PAWR: variants seen among roughly 807,000 people sequenced by gnomAD.
PAWR encodes PRKC apoptosis WT1 regulator protein.
In PAWR, 23 loss-of-function variants were observed where a neutral mutation model predicts 32.0. That is an observed-to-expected ratio of 0.72 (90% CI 0.52 to 1.02). The LOEUF (loss-of-function observed/expected upper bound fraction) is 1.02. PAWR is among the 50% of genes least tolerant of loss of function. The probability of loss-of-function intolerance (pLI) is 0.00; values close to 1 mark genes in which losing one functional copy is unlikely to be tolerated. For synonymous variants in PAWR, 226 were observed against 187.1 expected (o/e 1.21, Z -1.70); for missense variants, 457 against 437.7 (o/e 1.04, Z -0.39).
intron 4 of PAWR, 143 bp downstream of exon 4, chr12:79,613,432 C>A: frequency 2.4e-6 from 1 of 424,004 alleles, no homozygotes; most frequent in Non-Finnish European, 4.2e-6. Flanking sequence ...GATACTCCTG[C>A]TTACAATATA....
chr12:79,667,740 T>C (rs897560511), intron 2 of PAWR, among the ~76,000 whole-genome samples: 4 of 152,090 alleles, frequency 2.6e-5, no homozygotes, highest in South Asian at 2.1e-4. Flanking sequence ...ATTCATACTA[T>C]CTACAAATGA....
chr12:79,600,343 G>A (rs1407215374), intron 4 of PAWR, among the ~76,000 whole-genome samples: 1 of 151,926 alleles, frequency 6.6e-6, no homozygotes, highest in Non-Finnish European at 1.5e-5. Context: ...AATAATACTT[G>A]TAAAACATAA....
At chr12:79,675,889 G>GA (rs199971909) in intron 2 of PAWR, among the ~76,000 whole-genome samples, 1 of 151,496 alleles carries the variant, frequency 6.6e-6, no homozygotes, top group African/African-American at 2.4e-5. Context: ...AAGTTGGAAA[G>GA]AAAAAAAATA....
chr12:79,690,492 GC>G, intron 1 of PAWR, 101 bp from the exon 2 acceptor site: 2 of 631,878 alleles, frequency 3.2e-6, no homozygotes, highest in Non-Finnish European at 4.6e-6. Context: ...CCTCGAGCGC[GC>G]CCACCAGTCA....
intron 2 of PAWR, among the ~76,000 whole-genome samples, chr12:79,662,513 TTAA>T (rs1877400435): frequency 6.6e-6 from 1 of 152,210 alleles, no homozygotes; most frequent in Non-Finnish European, 1.5e-5. Flanking sequence ...CCTGCAATTA[TTAA>T]TCTCTTACTT....
rs538180266 is a variant in PAWR, at chr12:79,634,653, T to G, written c.517-13446A>C. Among the ~76,000 whole-genome samples, 3 of 123,186 alleles carry G rather than the reference T, an allele frequency of 2.4e-5. 1 individual carries two copies. In the South Asian group the frequency reaches 6.7e-4, roughly 27 times the overall value. The allele number at this position is 123,186 out of a possible 152,430, so 80.8% of individuals were successfully genotyped here. On this transcript the variant is annotated intron_variant, in intron 2 of 6. Coordinates refer to ENST00000328827, the MANE Select transcript of PAWR (RefSeq NM_002583.4). Reference sequence around the variant, plus strand: ...CAATTTACTGCATTGCAACCCAGAATTTTTAAGAAAAAGAACAGAATAGAC... The same window carrying G: ...CAATTTACTGCATTGCAACCCAGAAGTTTTAAGAAAAAGAACAGAATAGAC...
chr12:79,666,788 A>T (rs1284159625), intron 2 of PAWR, among the ~76,000 whole-genome samples: 1 of 152,214 alleles, frequency 6.6e-6, no homozygotes, highest in Non-Finnish European at 1.5e-5. Context: ...CTTGGTTTTA[A>T]TTTCTAAAAA....
chr12:79,686,266 G>A (rs1028405148), intron 2 of PAWR, among the ~76,000 whole-genome samples: 1 of 152,152 alleles, frequency 6.6e-6, no homozygotes, highest in Non-Finnish European at 1.5e-5. Context: ...AAACAAGTAT[G>A]TAACTGTCTA....
At chr12:79,660,584 T>C (rs972813944) in intron 2 of PAWR, among the ~76,000 whole-genome samples, 14 of 130,152 alleles carry the variant, frequency 1.1e-4, no homozygotes, top group Non-Finnish European at 2.1e-4. Context: ...TTCATTGTAC[T>C]TTTTTTTTTT....
intron 2 of PAWR, among the ~76,000 whole-genome samples, chr12:79,682,996 G>A (rs1258121434): frequency 6.6e-6 from 1 of 152,164 alleles, no homozygotes; most frequent in African/African-American, 2.4e-5. Context: ...TTAAAGATAT[G>A]TAAAAATTAA....
intron 2 of PAWR, among the ~76,000 whole-genome samples, chr12:79,669,315 C>G (rs1165617206): frequency 2.6e-5 from 4 of 152,144 alleles, no homozygotes; most frequent in Non-Finnish European, 1.5e-5. Context: ...AGAACTTTCC[C>G]TGCATGGAGG....
chr12:79,627,328 C>A (rs971035918), intron 2 of PAWR, among the ~76,000 whole-genome samples: 1 of 152,186 alleles, frequency 6.6e-6, no homozygotes. Flanking sequence ...ATTTGCATTT[C>A]TCTGATGGCC....
intron 2 of PAWR, among the ~76,000 whole-genome samples, chr12:79,662,516 A>G (rs561365004): frequency 6.6e-6 from 1 of 152,302 alleles, no homozygotes; most frequent in Non-Finnish European, 1.5e-5. Flanking sequence ...GCAATTATTA[A>G]TCTCTTACTT....
At chr12:79,643,071 C>G (rs929819405) in intron 2 of PAWR, among the ~76,000 whole-genome samples, 1 of 152,112 alleles carries the variant, frequency 6.6e-6, no homozygotes, top group African/African-American at 2.4e-5. Flanking sequence ...ATTACAAAGG[C>G]AAATCTTGCT....
chr12:79,620,174 T>C (rs1874934535), intron 3 of PAWR, among the ~76,000 whole-genome samples: 1 of 152,222 alleles, frequency 6.6e-6, no homozygotes. Context: ...GATATATTGT[T>C]GAAGATGACT....
chr12:79,667,209 G>A (rs1319839813), intron 2 of PAWR, among the ~76,000 whole-genome samples: 1 of 152,208 alleles, frequency 6.6e-6, no homozygotes, highest in African/African-American at 2.4e-5. Flanking sequence ...ACCTGTCTCA[G>A]ATATTAATAT....
intron 2 of PAWR, among the ~76,000 whole-genome samples, chr12:79,680,905 C>T (rs566781736): frequency 1.7e-4 from 26 of 151,680 alleles, no homozygotes; most frequent in Middle Eastern, 3.4e-3. Context: ...GAAGCATTTG[C>T]GTGTAGGAGT....
chr12:79,646,373 A>C (rs930357373), intron 2 of PAWR, among the ~76,000 whole-genome samples: 3 of 152,160 alleles, frequency 2.0e-5, no homozygotes, highest in African/African-American at 4.8e-5. Context: ...GACATGTCTG[A>C]CTCTGAGACA....
At chr12:79,603,207 A>G (rs1293452891) in intron 4 of PAWR, among the ~76,000 whole-genome samples, 1 of 152,124 alleles carries the variant, frequency 6.6e-6, no homozygotes, top group Non-Finnish European at 1.5e-5. Context: ...GTGAGCGATT[A>G]CGCCACTGCA....
Sources: allele counts gnomAD v4.1 joint callset (sites outside exome capture counted in the v4.1 genomes callset), GRCh38; gene constraint gnomAD v4.1.1; transcripts MANE v1.5; gene names NCBI Gene and HGNC (gene_info 2026-07-23, HGNC 2026-07-21).